Variants in COL14A1 observed in about 807,000 individuals in gnomAD.
COL14A1 encodes the protein collagen alpha-1(XIV) chain.
A neutral mutation model predicts 230.3 loss-of-function variants in COL14A1; 136 were observed. The observed-to-expected ratio is 0.59, with a 90% CI of 0.51 to 0.68. The LOEUF is 0.68. COL14A1 is among the 30% of genes least tolerant of loss of function. The pLI is 0.00. For missense variants in COL14A1, 1,976 were observed against 2,215.8 expected (o/e 0.89, Z 2.17); for synonymous variants, 792 against 784.1 (o/e 1.01, Z -0.17).
chr8:120,277,210 C>T (rs1478745316), intron 26 of COL14A1, among the ~76,000 whole-genome samples: 1 of 152,130 alleles, frequency 6.6e-6, no homozygotes, highest in Non-Finnish European at 1.5e-5. Flanking sequence ...CCAGTGACCA[C>T]TCTTGTGATG....
intron 42 of COL14A1, among the ~76,000 whole-genome samples, chr8:120,338,184 A>G (rs1435857392): frequency 6.6e-6 from 1 of 152,246 alleles, no homozygotes; most frequent in Non-Finnish European, 1.5e-5. Flanking sequence ...TATTCAAGAT[A>G]AAATAGATTT....
rs1353403667 is a variant in COL14A1, at chr8:120,227,359, C to G, written c.2137+7C>G. The G allele has an allele frequency of 1.9e-6, 3 of 1,613,170 alleles. No individual in the cohort carries two copies. Among genetic ancestry groups the G allele is most frequent in the Non-Finnish European group, 2.5e-6 (3 of 1,179,926 alleles). Reference sequence around the variant, plus strand: ...ACTGCTGTCGGGACCACACGTAAGTCTTGGTCTGGCCACAGTGCGTTTTAG... The same window carrying G: ...ACTGCTGTCGGGACCACACGTAAGTGTTGGTCTGGCCACAGTGCGTTTTAG... On this transcript the variant is annotated splice_region_variant and intron_variant, in intron 17 of 47. Coordinates refer to ENST00000297848, the MANE Select transcript of COL14A1 (RefSeq NM_021110.4).
At chr8:120,276,069 A>G (rs1819831496) in intron 26 of COL14A1, among the ~76,000 whole-genome samples, 1 of 151,746 alleles carries the variant, frequency 6.6e-6, no homozygotes, top group Non-Finnish European at 1.5e-5. Context: ...GCAAAGATAT[A>G]GAACCAACTT....
upstream of COL14A1, among the ~76,000 whole-genome samples, chr8:120,124,899 G>A (rs893445910): frequency 6.6e-6 from 1 of 152,138 alleles, no homozygotes; most frequent in African/African-American, 2.4e-5. Context: ...GCGCGCACCT[G>A]GGGGGACCGC....
In COL14A1 at chr8:120,180,726, G is replaced by A. The variant is rs1232782510; in HGVS notation, c.436+12479G>A. On this transcript the variant is annotated intron_variant, in intron 5 of 47. Transcript: ENST00000297848. ...CTTTTTTTTTTTTTTTTTTTTTTTTGAGACGGAGTCTCGGTCTGTTTCCCA... is the reference window on the plus strand; with the variant it reads ...CTTTTTTTTTTTTTTTTTTTTTTTTAAGACGGAGTCTCGGTCTGTTTCCCA... 3.5e-4 allele frequency among the ~76,000 whole-genome samples: 6 copies of A among 16,942 alleles called. No homozygotes were observed. The East Asian group carries it at 0.011, about 31-fold the overall frequency. The allele number at this position is 16,942 out of a possible 152,430, so 11.1% of individuals were successfully genotyped here.
At chr8:120,165,283 A>C (rs1051747091) in intron 4 of COL14A1, among the ~76,000 whole-genome samples, 1 of 152,246 alleles carries the variant, frequency 6.6e-6, no homozygotes, top group Non-Finnish European at 1.5e-5. Context: ...GTGGTGATCA[A>C]GATAAAGCCT....
At position 120,332,719 on chromosome 8, in the gene COL14A1, G is replaced by A; in HGVS notation, c.4769G>A (p.Gly1590Asp). The stretch of plus-strand genomic sequence containing the variant: ...ATCACAGGAAGCATGGGACCGCAAG[G>A]CGCCCTGGGACCACCTGTGAGTATG... ...PGITGSMGPQ[G>D]ALGPPGVPGA... The change falls in exon 42 of 48, where the codon GGC becomes GAC. Residue 1590 changes from glycine (G) to aspartate (D), a missense_variant. Coordinates refer to ENST00000297848, the MANE Select transcript of COL14A1 (RefSeq NM_021110.4). The A allele has an allele frequency of 6.2e-7, 1 of 1,613,180 alleles. No homozygotes were observed. The highest frequency in any genetic ancestry group is 8.5e-7 in the Non-Finnish European group (1 of 1,179,418).
chr8:120,250,965 G>C (rs890646162), intron 22 of COL14A1, among the ~76,000 whole-genome samples, 199 bp downstream of exon 22: 4 of 152,116 alleles, frequency 2.6e-5, no homozygotes, highest in Admixed American at 2.0e-4. Flanking sequence ...AAGACACCAT[G>C]CCCAGTTAAT....
intron 5 of COL14A1, among the ~76,000 whole-genome samples, chr8:120,190,311 C>A (rs1021111576): frequency 6.6e-6 from 1 of 152,100 alleles, no homozygotes; most frequent in Non-Finnish European, 1.5e-5. Context: ...TCGTGTCCTT[C>A]GCCCACTTTT....
intron 12 of COL14A1, among the ~76,000 whole-genome samples, chr8:120,211,221 A>G (rs1817607925): frequency 6.6e-6 from 1 of 152,200 alleles, no homozygotes; most frequent in African/African-American, 2.4e-5. Context: ...CTTGGTTGGA[A>G]TAAAACATTG....
intron 24 of COL14A1, among the ~76,000 whole-genome samples, chr8:120,265,873 CAATG>C (rs1168667922): frequency 6.6e-6 from 1 of 151,936 alleles, no homozygotes; most frequent in Non-Finnish European, 1.5e-5. Context: ...GCCTTCCTGA[CAATG>C]AAGAAACTAA....
intron 5 of COL14A1, among the ~76,000 whole-genome samples, chr8:120,192,608 T>G (rs1263318693): frequency 6.6e-4 from 101 of 152,298 alleles, no homozygotes; most frequent in South Asian, 2.7e-3. Context: ...GCTAGATTGG[T>G]GAAGTTCTCC....
At chr8:120,280,198 A>G (rs1381922130) in intron 29 of COL14A1, 99 bp downstream of exon 29, 2 of 1,377,666 alleles carry the variant, frequency 1.5e-6, no homozygotes, top group Non-Finnish European at 2.0e-6. Flanking sequence ...AGAAAAGAAT[A>G]TTGACTTCCA....
chr8:120,165,663 CT>C (rs768836846), intron 4 of COL14A1, among the ~76,000 whole-genome samples: 1 of 148,920 alleles, frequency 6.7e-6, no homozygotes, highest in Non-Finnish European at 1.5e-5. Context: ...AGTGGATCAG[CT>C]TCCATAATGT....
intron 9 of COL14A1, 136 bp from the exon 10 acceptor site, chr8:120,206,807 C>T: frequency 1.2e-6 from 1 of 823,160 alleles, no homozygotes; most frequent in Non-Finnish European, 1.8e-6. Context: ...AAATGGATAA[C>T]TGAATCAACT....
intron 14 of COL14A1, among the ~76,000 whole-genome samples, chr8:120,219,330 C>T (rs557034920): frequency 2.0e-5 from 3 of 152,280 alleles, no homozygotes; most frequent in Admixed American, 2.0e-4. Flanking sequence ...TCTCAAACTC[C>T]TGGGCTCAAG....
chr8:120,199,251 G>A, intron 7 of COL14A1, 151 bp from the exon 8 acceptor site: 1 of 643,538 alleles, frequency 1.6e-6, no homozygotes. Context: ...TGTTGAATCT[G>A]TGAAAGACAA....
chr8:120,215,738 G>T (rs566258462), intron 13 of COL14A1, among the ~76,000 whole-genome samples: 5 of 152,206 alleles, frequency 3.3e-5, no homozygotes, highest in African/African-American at 1.2e-4. Context: ...GAAGTGGGTT[G>T]CGAGAGAAAG....
At chr8:120,137,480 AC>A (rs1374637727) in intron 1 of COL14A1, among the ~76,000 whole-genome samples, 1 of 152,040 alleles carries the variant, frequency 6.6e-6, no homozygotes. Flanking sequence ...TTTATTAATC[AC>A]TTCCTTCAAC....
Sources: gnomAD v4.1 joint callset for allele counts (sites outside exome capture counted in the v4.1 genomes callset) on GRCh38, gnomAD v4.1.1 for gene constraint, MANE v1.5 for transcripts, NCBI Gene and HGNC (gene_info 2026-07-23, HGNC 2026-07-21) for gene names.